The following FMN2 variants were observed in gnomAD, a reference collection of about 807,000 sequenced individuals.
FMN2 encodes formin 2.
In FMN2, 51 loss-of-function variants were observed where a neutral mutation model predicts 142.3. That is an observed-to-expected ratio of 0.36 (90% CI 0.29 to 0.45). The LOEUF (loss-of-function observed/expected upper bound fraction) is 0.45. FMN2 is among the 20% of genes least tolerant of loss of function. FMN2 has a pLI of 1.00. For missense variants in FMN2, 1,936 were observed against 2,122.8 expected (o/e 0.91, Z 1.73); for synonymous variants, 882 against 869.8 (o/e 1.01, Z -0.25).
chr1:240,195,748 T>A (rs531752126), intron 4 of FMN2, among the ~76,000 whole-genome samples: 120 of 152,300 alleles, frequency 7.9e-4, no homozygotes, highest in African/African-American at 2.7e-3. Flanking sequence ...CTGGGTGTGG[T>A]AGCTCATGCC....
At chr1:240,420,030 C>T (rs375959740) in intron 15 of FMN2, among the ~76,000 whole-genome samples, 9 of 152,208 alleles carry the variant, frequency 5.9e-5, no homozygotes, top group South Asian at 2.1e-4. Context: ...TTGTGGTACC[C>T]GGGCTTCTGG....
At chr1:240,444,445 A>C (rs1292780250) in intron 16 of FMN2, among the ~76,000 whole-genome samples, 1 of 152,228 alleles carries the variant, frequency 6.6e-6, no homozygotes, top group Non-Finnish European at 1.5e-5. Context: ...ATTGTGGCCT[A>C]TCATTATTTC....
chr1:240,428,131 CT>C (rs377270925), intron 15 of FMN2, among the ~76,000 whole-genome samples: 102 of 151,988 alleles, frequency 6.7e-4, no homozygotes, highest in African/African-American at 2.3e-3. Context: ...AAGAAATCTT[CT>C]TTTTTCCTTA....
intron 7 of FMN2, among the ~76,000 whole-genome samples, chr1:240,259,931 C>T (rs1007295409): frequency 1.3e-5 from 2 of 152,068 alleles, no homozygotes; most frequent in Admixed American, 6.6e-5. Flanking sequence ...CCCCAAAGTC[C>T]ATTGTATCAC....
At chr1:240,239,046 C>T (rs919827120) in intron 6 of FMN2, among the ~76,000 whole-genome samples, 1 of 152,114 alleles carries the variant, frequency 6.6e-6, no homozygotes, top group Admixed American at 6.5e-5. Context: ...GTGATAGTTA[C>T]AATGATGCAT....
chr1:240,246,050 G>T (rs1396813698), intron 6 of FMN2, among the ~76,000 whole-genome samples: 1 of 152,236 alleles, frequency 6.6e-6, no homozygotes, highest in Non-Finnish European at 1.5e-5. Flanking sequence ...CATGGTGGCG[G>T]ATGCCTGTAG....
intron 15 of FMN2, among the ~76,000 whole-genome samples, chr1:240,407,983 G>T (rs78739953): frequency 6.6e-6 from 1 of 152,106 alleles, no homozygotes; most frequent in Non-Finnish European, 1.5e-5. Flanking sequence ...TGTAGATTTC[G>T]CATCCTACTT....
intron 2 of FMN2, chr1:240,170,619 A>AGTT (rs2103309527): frequency 6.3e-7 from 1 of 1,575,136 alleles, no homozygotes; most frequent in African/African-American, 1.3e-5. Flanking sequence ...CTGAATGCAC[A>AGTT]GTTGTGGCTG....
chr1:240,428,172 A>G (rs1428637410), intron 15 of FMN2, among the ~76,000 whole-genome samples: 1 of 151,776 alleles, frequency 6.6e-6, no homozygotes, highest in Non-Finnish European at 1.5e-5. Flanking sequence ...AGAATTAAAC[A>G]TATTTGATGT....
intron 8 of FMN2, among the ~76,000 whole-genome samples, chr1:240,295,402 T>C (rs1669939233): frequency 6.6e-6 from 1 of 152,210 alleles, no homozygotes; most frequent in African/African-American, 2.4e-5. Flanking sequence ...TTATTCATCT[T>C]ATAACTGAAA....
At chr1:240,378,236 C>T (rs1326716932) in intron 14 of FMN2, among the ~76,000 whole-genome samples, 5 of 151,928 alleles carry the variant, frequency 3.3e-5, no homozygotes, top group African/African-American at 7.2e-5. Context: ...CTGCAACCTC[C>T]GCCTCCCAAG....
intron 1 of FMN2, among the ~76,000 whole-genome samples, chr1:240,109,617 T>G (rs1181314746): frequency 6.6e-6 from 1 of 152,170 alleles, no homozygotes; most frequent in Non-Finnish European, 1.5e-5. Flanking sequence ...GTCTTTAATA[T>G]TGTTTTGAAG....
At chr1:240,096,553 C>T (rs957605435) in intron 1 of FMN2, among the ~76,000 whole-genome samples, 23 of 152,290 alleles carry the variant, frequency 1.5e-4, no homozygotes, top group Non-Finnish European at 2.9e-4. Flanking sequence ...TTGGAAATTA[C>T]CAGAGGCTTG....
chr1:240,257,950 C>T lies in FMN2; in HGVS notation c.4071C>T (p.Val1357=), dbSNP rs1668504900. 1 of 1,612,428 alleles carries T rather than the reference C, an allele frequency of 6.2e-7. No homozygotes were observed. The highest frequency in any genetic ancestry group is 1.3e-5 in the African/African-American group (1 of 74,852). Residue 1357 remains valine, a synonymous_variant, in exon 7 of 18, where the codon GTC becomes GTT. Transcript: ENST00000319653. ...TISKTKAKQV[V]KLLSNKRSQA... Reference sequence around the variant, plus strand: ...TTACTTTCTTTCTCGAGCAGGTTGTCAAGTTATTAAGCAACAAAAGATCAC... The same window carrying T: ...TTACTTTCTTTCTCGAGCAGGTTGTTAAGTTATTAAGCAACAAAAGATCAC...
intron 7 of FMN2, among the ~76,000 whole-genome samples, chr1:240,261,196 G>C (rs1396766350): frequency 1.3e-5 from 2 of 152,120 alleles, no homozygotes; most frequent in Non-Finnish European, 2.9e-5. Context: ...GATGCTTCCA[G>C]ATCTGTTCTT....
chr1:240,348,460 T>A (rs945951812), intron 13 of FMN2, among the ~76,000 whole-genome samples: 4 of 152,066 alleles, frequency 2.6e-5, no homozygotes, highest in East Asian at 3.9e-4. Context: ...TGACCTCAGG[T>A]TATCCGCCCA....
At chr1:240,443,940 G>A (rs1675715173) in intron 16 of FMN2, among the ~76,000 whole-genome samples, 1 of 152,042 alleles carries the variant, frequency 6.6e-6, no homozygotes, top group African/African-American at 2.4e-5. Flanking sequence ...CCACTAATGA[G>A]GCTCTGTGGA....
chr1:240,185,331 C>T (rs1350225742), intron 3 of FMN2, among the ~76,000 whole-genome samples: 3 of 151,962 alleles, frequency 2.0e-5, no homozygotes, highest in African/African-American at 4.8e-5. Context: ...ACATCTCTTT[C>T]ATGTTAAAAT....
rs1676842745 is a variant in FMN2, at chr1:240,472,441, T to C, written c.5130T>C (p.His1710=). The part of the protein sequence containing the change: ...GKSLYKIKPR[H]DSGIKAKISM... ...CACTTTATAAAATAAAACCAAGACA[T>C]GACTCTGGAATTGTAAGTATTACTG... Residue 1710 remains histidine (H), a synonymous_variant, in exon 17 of 18, where the codon CAT becomes CAC. Transcript: ENST00000319653. The C allele has an allele frequency of 6.2e-7, 1 of 1,606,706 alleles. No individual in the cohort carries two copies. Among genetic ancestry groups the C allele is most frequent in the Non-Finnish European group, 8.5e-7 (1 of 1,176,270 alleles).
Sources: allele counts gnomAD v4.1 joint callset (sites outside exome capture counted in the v4.1 genomes callset), GRCh38; gene constraint gnomAD v4.1.1; transcripts MANE v1.5; gene names NCBI Gene and HGNC (gene_info 2026-07-23, HGNC 2026-07-21).